Variants in RBM5 observed in about 807,000 individuals in gnomAD.
The protein encoded by RBM5 is RNA-binding protein 5.
Under a neutral mutation model 124.6 loss-of-function variants are expected in RBM5, and 15 were observed. The ratio of observed to expected loss-of-function variants is 0.12; its 90% CI spans 0.08 to 0.19. RBM5 has a LOEUF of 0.19. Ranked by LOEUF, RBM5 falls within the 10% of genes least tolerant of loss-of-function variation. RBM5 has a pLI of 1.00. For missense variants in RBM5, 580 were observed against 1,026.5 expected, an observed-to-expected ratio of 0.57 and a Z score of 5.94; for synonymous variants, 337 against 361.2, an observed-to-expected ratio of 0.93 and a Z score of 0.76.
At chr3:50,104,197 A>G in intron 7 of RBM5, 51 bp from the exon 8 acceptor site, 2 of 1,526,962 alleles carry the variant, frequency 1.3e-6, no homozygotes, top group Non-Finnish European at 1.8e-6. Context: ...TTGTTACTAG[A>G]AAGCCTGGCC....
intron 4 of RBM5, among the ~76,000 whole-genome samples, chr3:50,096,778 T>G (rs1298383722): frequency 1.3e-5 from 2 of 150,116 alleles, no homozygotes; most frequent in Non-Finnish European, 1.5e-5. Flanking sequence ...TATCGTTTGT[T>G]TTTTTTTTTG....
At chr3:50,116,571 C>T (rs2091256758) in intron 22 of RBM5, 1 of 176,486 alleles carries the variant, frequency 5.7e-6, no homozygotes, top group East Asian at 1.5e-4. Flanking sequence ...TGAGATATTT[C>T]TGAAGTGTTT....
At chr3:50,089,370 C>T (rs1334609131) in intron 1 of RBM5, among the ~76,000 whole-genome samples, 1 of 152,258 alleles carries the variant, frequency 6.6e-6, no homozygotes, top group Admixed American at 6.5e-5. Flanking sequence ...TGGCCGCCAT[C>T]CCCCGCTCAA....
intron 3 of RBM5, 123 bp from the exon 4 acceptor site, chr3:50,093,597 A>G (rs1191603574): frequency 1.8e-6 from 2 of 1,105,402 alleles, no homozygotes; most frequent in Non-Finnish European, 2.5e-6. Flanking sequence ...TGCAGTGAAC[A>G]TTACCATGGA....
Position 50,117,151 on chromosome 3 carries a change from G to A in RBM5, c.2172G>A (p.Lys724=), listed in dbSNP as rs1250159305. The A allele has an allele frequency of 1.1e-5, 17 of 1,614,094 alleles. No individual in the cohort carries two copies. Among genetic ancestry groups the A allele is most frequent in the Non-Finnish European group, 1.4e-5 (16 of 1,180,042 alleles). Residue 724 remains lysine (K), a synonymous_variant, in exon 23 of 25, where the codon AAG becomes AAA. Coordinates refer to ENST00000347869, the MANE Select transcript of RBM5 (RefSeq NM_005778.4). This position sits in a 1 kb window ranked among gnomAD's most constrained non-coding sequence, Gnocchi z 4.2. ...AACCTCCAGAGCCCAAGCGCAAGAA[G>A]CAGTTTGATGCCGGCACTGTGTATG... is the stretch of plus-strand genomic sequence containing the variant. ...IPEPPEPKRK[K]QFDAGTVNYE... is the part of the protein sequence containing the mutation.
At chr3:50,109,370 G>A (rs2091101249) in intron 14 of RBM5, among the ~76,000 whole-genome samples, 1 of 152,074 alleles carries the variant, frequency 6.6e-6, no homozygotes, top group Non-Finnish European at 1.5e-5. Flanking sequence ...ACTGCACCCG[G>A]CCTCTTCTCT....
At chr3:50,097,143 C>G (rs1474375890) in intron 4 of RBM5, among the ~76,000 whole-genome samples, 2 of 152,086 alleles carry the variant, frequency 1.3e-5, no homozygotes, top group East Asian at 3.8e-4. Flanking sequence ...CGCCTGTAAT[C>G]CCAGCACTTT....
Position 50,118,454 on chromosome 3 carries a change from TGAGAGA to T in RBM5, c.*15_*20del, listed in dbSNP as rs112672304. On this transcript the variant is annotated stop_retained_variant and 3_prime_UTR_variant, in exon 25 of 25. Coordinates refer to ENST00000347869, the MANE Select transcript of RBM5 (RefSeq NM_005778.4). Reference sequence around the variant, plus strand: ...GTTTGCCCGGTTCACTGAGATGGAGTGAGAGAGAGAGAGAGAGAGAGATGACAAGGA... The same window carrying T: ...GTTTGCCCGGTTCACTGAGATGGAGTGAGAGAGAGAGAGAGATGACAAGGA... 2.0e-4 allele frequency: 310 copies of T among 1,575,716 alleles called. No individual in the cohort carries two copies. In the Admixed American group the frequency reaches 4.8e-3, roughly 25 times the overall value.
chr3:50,098,644 G>C (rs772968775), intron 4 of RBM5, among the ~76,000 whole-genome samples: 1 of 151,978 alleles, frequency 6.6e-6, no homozygotes, highest in Non-Finnish European at 1.5e-5. Flanking sequence ...GGATTTCACT[G>C]TGTTAGCCAG....
intron 7 of RBM5, 135 bp downstream of exon 7, chr3:50,103,301 TG>T: frequency 1.4e-6 from 1 of 727,192 alleles, no homozygotes; most frequent in Non-Finnish European, 2.3e-6. Flanking sequence ...TTACTTTCCT[TG>T]GGTCCTCCTA....
chr3:50,110,307 A>T (rs1448024783), intron 15 of RBM5, 72 bp from the exon 16 acceptor site: 6 of 1,324,200 alleles, frequency 4.5e-6, no homozygotes, highest in Admixed American at 1.9e-5. Context: ...TTCCTCCTGG[A>T]TGATTGCAGT....
Position 50,100,703 on chromosome 3 carries a change from C to T in RBM5, c.483+98C>T, listed in dbSNP as rs541903891. On this transcript the variant is annotated intron_variant, in intron 6 of 24. Coordinates refer to ENST00000347869, the MANE Select transcript of RBM5 (RefSeq NM_005778.4). The surrounding 1 kb of genome is among the most constrained non-coding windows in gnomAD (Gnocchi z 5.1). ...GGAGTGGTTTGTTCCAAAGGAGTGA[C>T]TTTTTTTTAAAAAAAAAGCTTTGTA... The T allele has an allele frequency of 2.3e-4, 212 of 923,454 alleles. No homozygotes were observed. Among genetic ancestry groups the T allele is most frequent in the Non-Finnish European group, 3.2e-4 (198 of 622,558 alleles). 57.2% of individuals were successfully genotyped at this position (923,454 alleles called of 1,614,324 possible).
intron 4 of RBM5, among the ~76,000 whole-genome samples, chr3:50,094,492 A>G (rs2090770415): frequency 6.6e-6 from 1 of 151,816 alleles, no homozygotes; most frequent in African/African-American, 2.4e-5. Context: ...TTTGTTTGTG[A>G]TATTTTTGTT....
chr3:50,099,890 T>G (rs1404340681), intron 4 of RBM5, 92 bp from the exon 5 acceptor site: 9 of 1,123,152 alleles, frequency 8.0e-6, no homozygotes, highest in African/African-American at 1.6e-5. Flanking sequence ...AAAAAAAAAC[T>G]TGGCTAATTA....
chr3:50,091,899 C>T (rs2090709734), intron 2 of RBM5, 144 bp from the exon 3 acceptor site: 2 of 850,564 alleles, frequency 2.4e-6, no homozygotes, highest in African/African-American at 3.4e-5. Flanking sequence ...TCTTAGTAAA[C>T]TGGAATTTGG....
chr3:50,108,875 CTG>C (rs2091089223), intron 14 of RBM5, among the ~76,000 whole-genome samples: 1 of 152,172 alleles, frequency 6.6e-6, no homozygotes, highest in African/African-American at 2.4e-5. Flanking sequence ...TTTCCCCTCT[CTG>C]TGTTTGGAGT....
intron 10 of RBM5, among the ~76,000 whole-genome samples, chr3:50,106,118 ATTTTTTTTT>A (rs61297967): frequency 2.4e-4 from 8 of 32,754 alleles, no homozygotes; most frequent in Admixed American, 5.9e-4. Context: ...ACGCCCAGCT[ATTTTTTTTT>A]TTTTTTTTTT....
intron 24 of RBM5, 123 bp from the exon 25 acceptor site, chr3:50,118,208 T>C: frequency 7.6e-7 from 1 of 1,322,008 alleles, no homozygotes; most frequent in Non-Finnish European, 1.0e-6. Context: ...ATCCTTGTCT[T>C]CATATACAGT....
intron 17 of RBM5, chr3:50,111,020 T>C (rs2091134057): frequency 2.1e-6 from 1 of 480,742 alleles, no homozygotes; most frequent in South Asian, 3.1e-5. Flanking sequence ...TTTGAATGTT[T>C]ATACATGTCT....
Sources: gnomAD v4.1 joint callset for allele counts (sites outside exome capture counted in the v4.1 genomes callset) on GRCh38, gnomAD v4.1.1 for gene constraint, Gnocchi (gnomAD v3.1) non-coding constraint, MANE v1.5 for transcripts, NCBI Gene and HGNC (gene_info 2026-07-23, HGNC 2026-07-21) for gene names.